The following STAT5B variants were observed in gnomAD, a reference collection of about 807,000 sequenced individuals.
STAT5B encodes the protein transcription factor STAT5B.
A neutral mutation model predicts 107.8 loss-of-function variants in STAT5B; 21 were observed. That is an observed-to-expected ratio of 0.19 (90% CI 0.14 to 0.28). STAT5B has a LOEUF of 0.28. Among genes scored for constraint, STAT5B ranks in the 10% least tolerant of loss-of-function variants. The pLI, the probability that STAT5B is intolerant of heterozygous loss-of-function variation, is 1.00. For missense variants in STAT5B, 565 were observed against 1,008.2 expected (o/e 0.56, Z 5.95); for synonymous variants, 325 against 401.7 (o/e 0.81, Z 2.28).
rs2144296728 is a variant in STAT5B, at chr17:42,232,038, C to T, written c.90G>A (p.Val30=). Residue 30 remains valine, a synonymous_variant, in exon 2 of 19, where the codon GTG becomes GTA. Coordinates refer to ENST00000293328, the MANE Select transcript of STAT5B (RefSeq NM_012448.4). ...CAATCCACTGGGATAAATAATGCCG[C>T]ACCTCAATGGGAAAATGCTGGCCAT... ...ALYGQHFPIE[V]RHYLSQWIES... is the part of the protein sequence containing the mutation. 6.2e-7 allele frequency: 1 copy of T among 1,613,924 alleles called. No homozygotes were observed. Among genetic ancestry groups the T allele is most frequent in the East Asian group, 2.2e-5 (1 of 44,860 alleles).
chr17:42,273,315 G>C (rs1157011360), intron 1 of STAT5B, among the ~76,000 whole-genome samples: 4 of 152,116 alleles, frequency 2.6e-5, no homozygotes, highest in Admixed American at 1.3e-4. Context: ...TGAGGACAGC[G>C]ATAGTGCAGA....
intron 15 of STAT5B, among the ~76,000 whole-genome samples, chr17:42,209,698 A>T (rs1024782883): frequency 6.6e-6 from 1 of 152,134 alleles, no homozygotes; most frequent in African/African-American, 2.4e-5. Flanking sequence ...AAAGAGTGAG[A>T]CCCTGTTTCA....
intron 1 of STAT5B, among the ~76,000 whole-genome samples, chr17:42,247,630 C>A (rs1487132250): frequency 6.6e-6 from 1 of 152,036 alleles, no homozygotes; most frequent in East Asian, 1.9e-4. Context: ...AAAAGTGGAT[C>A]CAACGAGTAG....
intron 1 of STAT5B, among the ~76,000 whole-genome samples, chr17:42,253,633 A>C (rs1461064360): frequency 6.6e-6 from 1 of 152,190 alleles, no homozygotes; most frequent in Non-Finnish European, 1.5e-5. Flanking sequence ...ATTCCATCAC[A>C]ACCATTTCCA....
At chr17:42,287,070 C>T in the STAT5B span, among the ~76,000 whole-genome samples, 2 of 152,204 alleles carry the variant, frequency 1.3e-5, no homozygotes, top group Non-Finnish European at 2.9e-5. Context: ...CAAGGCTTCC[C>T]TACATCCTCC....
In STAT5B at chr17:42,219,833, C is replaced by G. The variant is rs746169589; in HGVS notation, c.560G>C (p.Gly187Ala). ...CTGGGGGCTCAGCTGGGCCAGCGGG[C>G]CAAACTGAGCTAGAGGAGGGGAGAG... ...QESLRIQAQF[G>A]PLAQLSPQER... is the part of the protein sequence containing the mutation. The change falls in exon 6 of 19, where the codon GGC (glycine) becomes GCC (alanine). Residue 187 changes from glycine to alanine, a missense_variant. By Grantham distance (60) the Gly-to-Ala change is moderately conservative. Around this residue, in one of 11 missense-constraint regions of STAT5B, gnomAD observed 56 missense variants for 104.5 expected, o/e 0.54. Transcript: ENST00000293328. The G allele has an allele frequency of 2.7e-5, 44 of 1,614,008 alleles. No individual in the cohort carries two copies. The highest frequency in any genetic ancestry group is 3.3e-5 in the Non-Finnish European group (39 of 1,179,990).
chr17:42,215,603 A>G (rs2080164261), intron 12 of STAT5B, among the ~76,000 whole-genome samples: 1 of 151,980 alleles, frequency 6.6e-6, no homozygotes, highest in East Asian at 1.9e-4. Flanking sequence ...TAAAGAAAAC[A>G]GCGTCTTTTT....
intron 15 of STAT5B, among the ~76,000 whole-genome samples, chr17:42,209,600 C>T (rs994690114): frequency 1.3e-5 from 2 of 152,058 alleles, no homozygotes; most frequent in Non-Finnish European, 2.9e-5. Flanking sequence ...CCCAGCTAAT[C>T]GGGAGGCTAA....
At chr17:42,227,956 G>A (rs1398810073) in intron 2 of STAT5B, among the ~76,000 whole-genome samples, 1 of 152,006 alleles carries the variant, frequency 6.6e-6, no homozygotes, top group Non-Finnish European at 1.5e-5. Flanking sequence ...TCAATGATGT[G>A]CTTGGTGCTT....
At chr17:42,209,403 C>T (rs1007040693) in intron 15 of STAT5B, among the ~76,000 whole-genome samples, 17 of 152,142 alleles carry the variant, frequency 1.1e-4, no homozygotes, top group African/African-American at 3.6e-4. Context: ...AGCAAGCTAC[C>T]CTTATTGTGA....
chr17:42,253,365 G>T (rs1374795745), intron 1 of STAT5B, among the ~76,000 whole-genome samples: 2 of 152,178 alleles, frequency 1.3e-5, no homozygotes, highest in Non-Finnish European at 2.9e-5. Context: ...CTAATTAGCA[G>T]CTGCTGCTGT....
At chr17:42,276,536 C>T (rs539529269), upstream of STAT5B, 3 of 151,376 alleles carry the variant, frequency 2.0e-5, no homozygotes, top group African/African-American at 7.3e-5. This position sits in a 1 kb window ranked among gnomAD's most constrained non-coding sequence, Gnocchi z 4.8. Context: ...CCCTCGCGCC[C>T]CCTCCGCGAC....
intron 1 of STAT5B, among the ~76,000 whole-genome samples, chr17:42,258,652 C>T (rs937613165): frequency 6.6e-6 from 1 of 152,260 alleles, no homozygotes; most frequent in Non-Finnish European, 1.5e-5. Flanking sequence ...GCACTCCAGC[C>T]TGGGAAACAG....
At chr17:42,230,123 A>G (rs954187142) in intron 2 of STAT5B, among the ~76,000 whole-genome samples, 3 of 152,056 alleles carry the variant, frequency 2.0e-5, no homozygotes, top group African/African-American at 7.2e-5. Context: ...TACAGCTGAC[A>G]TTCTCATATT....
intron 1 of STAT5B, among the ~76,000 whole-genome samples, chr17:42,265,260 G>A (rs950017262): frequency 4.0e-5 from 6 of 151,774 alleles, no homozygotes; most frequent in African/African-American, 1.2e-4. Flanking sequence ...CGCTTTTGGT[G>A]TTTTAGACAT....
At chr17:42,231,063 G>A (rs2080313663) in intron 2 of STAT5B, among the ~76,000 whole-genome samples, 1 of 151,884 alleles carries the variant, frequency 6.6e-6, no homozygotes. Flanking sequence ...TTTGTTAGAT[G>A]TAAACTTATT....
chr17:42,220,617 C>G (rs1044499829), intron 5 of STAT5B, among the ~76,000 whole-genome samples: 7 of 152,058 alleles, frequency 4.6e-5, no homozygotes, highest in Non-Finnish European at 7.4e-5. Flanking sequence ...CCAGGGAACA[C>G]GGACAGACAG....
intron 1 of STAT5B, among the ~76,000 whole-genome samples, chr17:42,267,933 G>C (rs1267672905): frequency 6.6e-6 from 1 of 150,416 alleles, no homozygotes; most frequent in Non-Finnish European, 1.5e-5. Flanking sequence ...ACTCCAGCCT[G>C]GGCCACAAGA....
At chr17:42,245,073 ATTTTTTTTT>A (rs745914040) in intron 1 of STAT5B, among the ~76,000 whole-genome samples, 1 of 105,502 alleles carries the variant, frequency 9.5e-6, no homozygotes, top group African/African-American at 4.1e-5. Flanking sequence ...TGCCTGGCTA[ATTTTTTTTT>A]TTTTTTTTTT....
Sources: allele counts gnomAD v4.1 joint callset (sites outside exome capture counted in the v4.1 genomes callset), GRCh38; gene constraint gnomAD v4.1.1; regional missense constraint gnomAD v4.1.1; non-coding constraint Gnocchi (gnomAD v3.1); transcripts MANE v1.5; gene names NCBI Gene and HGNC (gene_info 2026-07-23, HGNC 2026-07-21).